Variants in PPM1F observed in about 807,000 individuals in gnomAD.
The protein encoded by PPM1F is protein phosphatase 1F.
A neutral mutation model predicts 35.5 loss-of-function variants in PPM1F; 17 were observed. The ratio of observed to expected loss-of-function variants is 0.48; its 90% CI spans 0.33 to 0.72. The LOEUF (loss-of-function observed/expected upper bound fraction) is 0.72. Ranked by LOEUF, PPM1F falls within the 30% of genes least tolerant of loss-of-function variation. The probability of loss-of-function intolerance (pLI) is 0.02; values close to 1 mark genes in which losing one functional copy is unlikely to be tolerated. For synonymous variants in PPM1F, 241 were observed against 255.5 expected (o/e 0.94, Z 0.54); for missense variants, 521 against 613.0 (o/e 0.85, Z 1.59).
chr22:21,930,162 C>T (rs547359557), intron 6 of PPM1F, among the ~76,000 whole-genome samples: 1 of 152,346 alleles, frequency 6.6e-6, no homozygotes, highest in African/African-American at 2.4e-5. Context: ...GCAAACTTAA[C>T]AATTGCCCCA....
chr22:21,923,492 C>T, intron 7 of PPM1F, 21 bp from the exon 8 acceptor site: 1 of 1,580,542 alleles, frequency 6.3e-7, no homozygotes, highest in Non-Finnish European at 8.6e-7. Context: ...GGAGAAGAGC[C>T]CGGGTCAGAG....
chr22:21,933,749 G>A (rs910600917), intron 4 of PPM1F, among the ~76,000 whole-genome samples, 170 bp from the exon 5 acceptor site: 2 of 152,162 alleles, frequency 1.3e-5, no homozygotes, highest in African/African-American at 2.4e-5. Flanking sequence ...CGGGAGCCTC[G>A]GTTTCACCAT....
chr22:21,945,727 CG>C, intron 2 of PPM1F, 115 bp downstream of exon 2: 2 of 1,081,210 alleles, frequency 1.8e-6, no homozygotes, highest in Admixed American at 2.3e-5. Flanking sequence ...CATAGGGATC[CG>C]GGGCTGCAGA....
At chr22:21,926,606 C>G (rs1345273487) in intron 6 of PPM1F, among the ~76,000 whole-genome samples, 1 of 152,138 alleles carries the variant, frequency 6.6e-6, no homozygotes, top group Non-Finnish European at 1.5e-5. Context: ...GAGGCTGCCC[C>G]GATGAGAGCC....
At chr22:21,925,509 C>T (rs758842311) in intron 7 of PPM1F, 60 bp downstream of exon 7, 7 of 1,505,864 alleles carry the variant, frequency 4.6e-6, no homozygotes, top group South Asian at 1.1e-5. Context: ...GCGGGCCACA[C>T]TCGAGGCCTG....
At position 21,934,109 on chromosome 22, in the gene PPM1F, G is replaced by C. The variant is rs1394975490; in HGVS notation, c.473C>G (p.Ser158Cys). 1 of 1,563,782 alleles carries C rather than the reference G, an allele frequency of 6.4e-7. No individual in the cohort carries two copies. The highest frequency in any genetic ancestry group is 8.7e-7 in the Non-Finnish European group (1 of 1,154,394). The change falls in exon 4 of 8, where the codon TCC becomes TGC. Residue 158 changes from serine to cysteine, a missense_variant. Physicochemically the swap from Ser to Cys is moderately radical, Grantham distance 112. Around this residue, in one of 3 missense-constraint regions of PPM1F, gnomAD observed 311 missense variants for 351.5 expected, o/e 0.88. Coordinates refer to ENST00000263212, the MANE Select transcript of PPM1F (RefSeq NM_014634.4). ...ARASQRQWLV[S>C]IHAIRNTRRK... ...GCGAGTGTTCCGGATGGCGTGGATG[G>C]AGACCAGCCACTGCCGCTGTGAGGC...
chr22:21,927,579 C>CT (rs1289561872), intron 6 of PPM1F, among the ~76,000 whole-genome samples: 2 of 152,240 alleles, frequency 1.3e-5, no homozygotes, highest in Non-Finnish European at 2.9e-5. Flanking sequence ...CACAGGGGGC[C>CT]ATGCAGGCTA....
intron 7 of PPM1F, chr22:21,925,321 T>G (rs561410948): frequency 2.3e-4 from 99 of 434,144 alleles, no homozygotes; most frequent in Middle Eastern, 1.2e-3. Flanking sequence ...CAGGTTTCTA[T>G]GAGATTTGTA....
At chr22:21,925,761 C>T (rs2070506822) in intron 6 of PPM1F, 99 bp from the exon 7 acceptor site, 5 of 951,830 alleles carry the variant, frequency 5.3e-6, no homozygotes, top group Non-Finnish European at 7.6e-6. Flanking sequence ...TCTAAGACAG[C>T]AGCATTCAAA....
At chr22:21,927,942 G>GTTTGTTTT (rs2070537203) in intron 6 of PPM1F, among the ~76,000 whole-genome samples, 1 of 75,126 alleles carries the variant, frequency 1.3e-5, no homozygotes, top group African/African-American at 5.5e-5. Context: ...TTTTTGTTTT[G>GTTTGTTTT]TTTTTTTTTT....
chr22:21,932,173 G>C (rs896350870), intron 5 of PPM1F, among the ~76,000 whole-genome samples: 1 of 151,964 alleles, frequency 6.6e-6, no homozygotes, highest in African/African-American at 2.4e-5. Flanking sequence ...GGCTGGTCTC[G>C]AATTCCTAAC....
In PPM1F at chr22:21,937,769, G is replaced by C. The variant is rs530801994; in HGVS notation, c.355+1763C>G. 2.2e-3 allele frequency: 471 copies of C among 212,686 alleles called. 8 individuals are homozygous for C. Among genetic ancestry groups the C allele is most frequent in the East Asian group, 3.0e-3 (17 of 5,736 alleles). The allele number at this position is 212,686 out of a possible 1,614,324, so 13.2% of individuals were successfully genotyped here. ...CTATTTCCAACAGCCGCTTAGCCTA[G>C]ACTCTGCTCAGGAAAGGCCAGCGGC... On this transcript the variant is annotated intron_variant, in intron 3 of 7. Coordinates refer to ENST00000263212, the MANE Select transcript of PPM1F (RefSeq NM_014634.4).
In PPM1F at chr22:21,925,471, C is replaced by T. The variant is rs533213113; in HGVS notation, c.985+98G>A. The stretch of plus-strand genomic sequence containing the variant: ...ATGACAAATCCCCCTCGGCCCATCA[C>T]ACTGCCTCCCTGAACCCCTGGTGAG... On this transcript the variant is annotated intron_variant, in intron 7 of 7. Transcript: ENST00000263212. 4.1e-5 allele frequency: 41 copies of T among 988,286 alleles called. No individual in the cohort carries two copies. In the African/African-American group the frequency reaches 4.8e-4, roughly 12 times the overall value. 61.2% of individuals were successfully genotyped at this position (988,286 alleles called of 1,614,324 possible). A position where few individuals can be genotyped will look rare whatever the true frequency, so the allele number is the denominator to read the frequency against.
At chr22:21,938,682 C>T (rs2070691392) in intron 3 of PPM1F, 4 of 857,158 alleles carry the variant, frequency 4.7e-6, no homozygotes, top group Admixed American at 5.5e-5. Context: ...CTGGCCTGTC[C>T]AGGGACAACT....
rs1184787530 is a variant in PPM1F at position 21,934,016 on chromosome 22, G to A, written c.558+8C>T. On this transcript the variant is annotated splice_region_variant and intron_variant, in intron 4 of 7. Transcript: ENST00000263212. ...AGCTGTCCCCAGGGTCTGGACGGGAGCACTCACAGACAAGCCGAAGAGCTG... is the reference window on the plus strand; with the variant it reads ...AGCTGTCCCCAGGGTCTGGACGGGAACACTCACAGACAAGCCGAAGAGCTG... 6.5e-7 allele frequency: 1 copy of A among 1,545,930 alleles called. No individual in the cohort carries two copies. Among genetic ancestry groups the A allele is most frequent in the Admixed American group, 1.9e-5 (1 of 51,558 alleles).
chr22:21,945,887 C>T lies in PPM1F; in HGVS notation c.162G>A (p.Val54=). 1 of 1,612,688 alleles carries T rather than the reference C, an allele frequency of 6.2e-7. No homozygotes were observed. The highest frequency in any genetic ancestry group is 8.5e-7 in the Non-Finnish European group (1 of 1,179,854). ...TGGCCAGCTCAGCCAGCTCGCCCTC[C>T]ACCTCCTCCTGGCTGAGCACCGTCC... ...APGTVLSQEE[V]EGELAELAMG... Residue 54 remains valine (V), a synonymous_variant, in exon 2 of 8, where the codon GTG becomes GTA. Transcript: ENST00000263212.
intron 7 of PPM1F, 40 bp from the exon 8 acceptor site, chr22:21,923,511 T>C (rs1273049433): frequency 6.4e-7 from 1 of 1,553,716 alleles, no homozygotes; most frequent in Admixed American, 1.8e-5. Context: ...AGGACCACGG[T>C]GTCCACAGCT....
At chr22:21,951,546 G>C (rs538484518) in intron 1 of PPM1F, 1 of 151,728 alleles carries the variant, frequency 6.6e-6, no homozygotes, top group Non-Finnish European at 1.5e-5. Flanking sequence ...AGTAGAGATG[G>C]GATTTTGCCA....
chr22:21,949,654 T>A (rs1234451335), intron 1 of PPM1F: 1 of 152,164 alleles, frequency 6.6e-6, no homozygotes, highest in African/African-American at 2.4e-5. Flanking sequence ...GGCACACCAG[T>A]GAAAAACTCC....
Sources: allele counts gnomAD v4.1 joint callset (sites outside exome capture counted in the v4.1 genomes callset), GRCh38; gene constraint gnomAD v4.1.1; regional missense constraint gnomAD v4.1.1; transcripts MANE v1.5; gene names NCBI Gene and HGNC (gene_info 2026-07-23, HGNC 2026-07-21).